Variants in BRWD1 observed in about 807,000 individuals in gnomAD.
The protein encoded by BRWD1 is bromodomain and WD repeat-containing protein 1.
Under a neutral mutation model 251.2 loss-of-function variants are expected in BRWD1, and 82 were observed. The ratio of observed to expected loss-of-function variants is 0.33; its 90% CI spans 0.27 to 0.39. BRWD1 has a LOEUF of 0.39. Ranked by LOEUF, BRWD1 falls within the 10% of genes least tolerant of loss-of-function variation. The probability of loss-of-function intolerance (pLI) is 1.00; values close to 1 mark genes in which losing one functional copy is unlikely to be tolerated. For missense variants in BRWD1, 2,233 were observed against 2,711.6 expected (o/e 0.82, Z 3.92); for synonymous variants, 918 against 902.8 (o/e 1.02, Z -0.30).
At position 39,188,267 on chromosome 21, in the gene BRWD1, T is replaced by C; in HGVS notation, c.*7992A>G. 1 of 985,378 alleles carries C rather than the reference T, an allele frequency of 1.0e-6. No homozygotes were observed. 61.0% of individuals were successfully genotyped at this position (985,378 alleles called of 1,614,324 possible). The stretch of plus-strand genomic sequence containing the variant: ...CATGAACAGTCAAACTATCTAAAAC[T>C]GCCTTCATGGTACACACCAATCTTG... On this transcript the variant is annotated 3_prime_UTR_variant, in exon 41 of 41. Coordinates refer to ENST00000342449, the MANE Select transcript of BRWD1 (RefSeq NM_033656.4).
Position 39,194,737 on chromosome 21 carries a change from G to T in BRWD1, c.*1522C>A. Reference sequence around the variant, plus strand: ...TGTCTGCCACTTCAAAGATACACAGGAGAAAAGGTTTTGTCTGAAACCAAA... The same window carrying T: ...TGTCTGCCACTTCAAAGATACACAGTAGAAAAGGTTTTGTCTGAAACCAAA... On this transcript the variant is annotated 3_prime_UTR_variant, in exon 41 of 41. Transcript: ENST00000342449. 6.5e-7 allele frequency: 1 copy of T among 1,535,242 alleles called. No homozygotes were observed. Among genetic ancestry groups the T allele is most frequent in the South Asian group, 1.2e-5 (1 of 84,030 alleles).
intron 15 of BRWD1, among the ~76,000 whole-genome samples, chr21:39,268,217 T>C (rs944298023): frequency 6.6e-6 from 1 of 151,904 alleles, no homozygotes; most frequent in Admixed American, 6.6e-5. Flanking sequence ...AGGCGGGTGA[T>C]CACTTGAAGT....
chr21:39,189,365 G>A lies in BRWD1; in HGVS notation c.*6894C>T. The A allele has an allele frequency of 1.0e-6, 1 of 984,618 alleles. No homozygotes were observed. The highest frequency in any genetic ancestry group is 1.2e-6 in the Non-Finnish European group (1 of 829,290). 61.0% of individuals were successfully genotyped at this position (984,618 alleles called of 1,614,324 possible). On this transcript the variant is annotated 3_prime_UTR_variant, in exon 41 of 41. Transcript: ENST00000342449. ...CTTTAAGTTGCAGAAATTCCATTTTGATGTGTGATCAAAGTACCTATACTG... is the reference window on the plus strand; with the variant it reads ...CTTTAAGTTGCAGAAATTCCATTTTAATGTGTGATCAAAGTACCTATACTG...
intron 21 of BRWD1, among the ~76,000 whole-genome samples, chr21:39,242,929 C>T (rs2034051938): frequency 6.6e-6 from 1 of 152,214 alleles, no homozygotes; most frequent in African/African-American, 2.4e-5. Flanking sequence ...CCAAATATTA[C>T]TGCTTGTGGA....
chr21:39,263,951 C>T (rs2034836888), intron 17 of BRWD1, among the ~76,000 whole-genome samples: 1 of 152,144 alleles, frequency 6.6e-6, no homozygotes, highest in Non-Finnish European at 1.5e-5. Flanking sequence ...GGAACCTAAT[C>T]AAGAAGTAGA....
chr21:39,285,618 AC>A (rs1373399902), intron 8 of BRWD1, among the ~76,000 whole-genome samples: 4 of 152,176 alleles, frequency 2.6e-5, no homozygotes, highest in Non-Finnish European at 5.9e-5. Context: ...TCAACTAAAA[AC>A]AAAAAATTTA....
At chr21:39,213,578 T>C in intron 32 of BRWD1, 25 bp from the exon 33 acceptor site, 2 of 1,496,716 alleles carry the variant, frequency 1.3e-6, no homozygotes, top group Non-Finnish European at 1.8e-6. Context: ...TTCACTTTAA[T>C]AGTATGCAGA....
intron 4 of BRWD1, 49 bp downstream of exon 4, chr21:39,312,785 CGGGGGCG>C (rs1324036598): frequency 1.7e-5 from 25 of 1,439,814 alleles, no homozygotes; most frequent in East Asian, 2.5e-5. Flanking sequence ...GGGGAAGGGG[CGGGGGCG>C]GGGGGCGGTG....
At chr21:39,236,469 A>G in intron 23 of BRWD1, 126 bp downstream of exon 23, 1 of 868,722 alleles carries the variant, frequency 1.2e-6, no homozygotes, top group Non-Finnish European at 1.7e-6. Context: ...CCAGCCCCAG[A>G]GCAGGGCCCA....
intron 8 of BRWD1, among the ~76,000 whole-genome samples, chr21:39,286,084 G>A (rs137943443): frequency 0.019 from 2,737 of 146,562 alleles, 61 homozygotes; most frequent in African/African-American, 0.064. Context: ...GTGCGATCTC[G>A]GCTCACTGCA....
chr21:39,270,372 G>T lies in BRWD1; in HGVS notation c.1306C>A (p.Gln436Lys). 2 of 1,612,564 alleles carry T rather than the reference G, an allele frequency of 1.2e-6. No individual in the cohort carries two copies. Among genetic ancestry groups the T allele is most frequent in the Non-Finnish European group, 8.5e-7 (1 of 1,179,162 alleles). The change falls in exon 14 of 41, where the codon CAA becomes AAA. Residue 436 changes from glutamine to lysine, a missense_variant. This residue lies in a region of BRWD1 where 315 missense variants were observed against 421.8 expected (regional missense o/e 0.75). Transcript: ENST00000342449. ...GCTGTGACAACAATGCTATCATTTT[G>T]ATTCCAAGCTATCATTGTTACTTTA... ...KPKVTMIAWN[Q>K]NDSIVVTAVN...
intron 19 of BRWD1, among the ~76,000 whole-genome samples, chr21:39,251,641 C>G (rs79688076): frequency 0.1 from 15,477 of 152,242 alleles, 921 homozygotes; most frequent in East Asian, 0.14. Context: ...GTACGCCAGA[C>G]AGCCCACACT....
At position 39,244,060 on chromosome 21, in the gene BRWD1, G is replaced by T. The variant is rs914158; in HGVS notation, c.2481+3641C>A. On this transcript the variant is annotated intron_variant, in intron 21 of 40. Coordinates refer to ENST00000342449, the MANE Select transcript of BRWD1 (RefSeq NM_033656.4). ...CGGTAAGGCAGGGTTTCTGCTCTGA[G>T]ATCATGCTGCTAACTTTTTTTTTTC... is the stretch of plus-strand genomic sequence containing the variant. 2.0e-5 allele frequency among the ~76,000 whole-genome samples: 3 copies of T among 152,054 alleles called. 1 individual carries two copies. The South Asian group carries it at 6.2e-4, about 32-fold the overall frequency.
At chr21:39,278,519 C>G (rs182688828) in intron 10 of BRWD1, 40 of 473,220 alleles carry the variant, frequency 8.5e-5, no homozygotes, top group African/African-American at 7.8e-4. Context: ...CTCCCTTTTA[C>G]CAGCCATCTC....
At chr21:39,213,063 A>G (rs1246220001) in intron 33 of BRWD1, among the ~76,000 whole-genome samples, 1 of 152,132 alleles carries the variant, frequency 6.6e-6, no homozygotes, top group East Asian at 1.9e-4. Flanking sequence ...TTTGTGTTCT[A>G]TAGTACAGGC....
chr21:39,229,492 A>G, intron 25 of BRWD1, 56 bp from the exon 26 acceptor site: 1 of 1,470,740 alleles, frequency 6.8e-7, no homozygotes, highest in Non-Finnish European at 9.4e-7. Context: ...TAATACTATA[A>G]TTCTCCACAT....
At chr21:39,261,774 A>C (rs952805508) in intron 17 of BRWD1, among the ~76,000 whole-genome samples, 7 of 147,370 alleles carry the variant, frequency 4.7e-5, no homozygotes, top group Non-Finnish European at 7.4e-5. Flanking sequence ...CCAAAGAAGA[A>C]AAAAAAAAGA....
In BRWD1 at chr21:39,202,334, T is replaced by C. The variant is rs937079536; in HGVS notation, c.4576A>G (p.Thr1526Ala). Residue 1526 changes from threonine (T) to alanine (A), a missense_variant, in exon 38 of 41, where the codon ACA becomes GCA. This residue lies in a region of BRWD1 where 928 missense variants were observed against 970.0 expected (regional missense o/e 0.96). Coordinates refer to ENST00000342449, the MANE Select transcript of BRWD1 (RefSeq NM_033656.4). Reference sequence around the variant, plus strand: ...GTATTTCACTTCTCACCAGATAATGTAGAACCATTTGTTATAGGTCTATTT... The same window carrying C: ...GTATTTCACTTCTCACCAGATAATGCAGAACCATTTGTTATAGGTCTATTT... ...KRNRPITNGS[T>A]LSESEVEDSL... The C allele has an allele frequency of 1.9e-6, 3 of 1,610,900 alleles. 1 individual carries two copies. In the South Asian group the frequency reaches 3.3e-5, roughly 18 times the overall value.
intron 21 of BRWD1, among the ~76,000 whole-genome samples, chr21:39,247,072 G>A (rs1250311596): frequency 6.8e-6 from 1 of 146,628 alleles, no homozygotes; most frequent in African/African-American, 2.5e-5. Context: ...ACGAGACTCC[G>A]TCTCAAAAAA....
Sources: gnomAD v4.1 joint callset for allele counts (sites outside exome capture counted in the v4.1 genomes callset) on GRCh38, gnomAD v4.1.1 for gene constraint, gnomAD v4.1.1 regional missense constraint, MANE v1.5 for transcripts, NCBI Gene and HGNC (gene_info 2026-07-23, HGNC 2026-07-21) for gene names.